POU2AF1: variants seen among roughly 807,000 people sequenced by gnomAD.
The protein encoded by POU2AF1 is POU domain class 2-associating factor 1.
In POU2AF1, 12 loss-of-function variants were observed where a neutral mutation model predicts 26.3. That is an observed-to-expected ratio of 0.46 (90% CI 0.29 to 0.74). The LOEUF is 0.74. Among genes scored for constraint, POU2AF1 ranks in the 30% least tolerant of loss-of-function variants. The pLI is 0.09. For missense variants in POU2AF1, 297 were observed against 334.5 expected, an observed-to-expected ratio of 0.89 and a Z score of 0.87; for synonymous variants, 175 against 148.0, an observed-to-expected ratio of 1.18 and a Z score of -1.32.
chr11:111,374,670 G>T (rs1032288303), intron 1 of POU2AF1, among the ~76,000 whole-genome samples: 1 of 152,174 alleles, frequency 6.6e-6, no homozygotes, highest in African/African-American at 2.4e-5. Flanking sequence ...ATTGCAGCCT[G>T]GGTGACAGAG....
intron 1 of POU2AF1, among the ~76,000 whole-genome samples, chr11:111,361,052 A>G (rs1238833780): frequency 6.6e-6 from 1 of 152,152 alleles, no homozygotes; most frequent in East Asian, 1.9e-4. Flanking sequence ...ACATCCCAAT[A>G]GGAGATTCAT....
chr11:111,364,722 T>G (rs1861072333), intron 1 of POU2AF1, among the ~76,000 whole-genome samples: 1 of 152,216 alleles, frequency 6.6e-6, no homozygotes, highest in Non-Finnish European at 1.5e-5. Flanking sequence ...GGCTGCAGGA[T>G]AAGCATGCAT....
chr11:111,364,390 A>T (rs906292582), intron 1 of POU2AF1: 2 of 152,236 alleles, frequency 1.3e-5, no homozygotes, highest in African/African-American at 4.8e-5. Context: ...AACATGCAAA[A>T]TTGTCAGCAC....
Position 111,354,030 on chromosome 11 carries a change from G to A in POU2AF1, c.*231C>T, listed in dbSNP as rs1860790168. On this transcript the variant is annotated 3_prime_UTR_variant, in exon 5 of 5. Transcript: ENST00000393067. ...AGGGAGGAAAAGGAAGGAAGGGGTT[G>A]GAAAGGAAGAAGGGAGGGAGGGGAA... 2.2e-6 allele frequency: 1 copy of A among 458,164 alleles called. No homozygotes were observed. The highest frequency in any genetic ancestry group is 3.7e-6 in the Non-Finnish European group (1 of 267,284). 28.4% of individuals were successfully genotyped at this position (458,164 alleles called of 1,614,324 possible). A position where few individuals can be genotyped will look rare whatever the true frequency, so the allele number is the denominator to read the frequency against.
chr11:111,373,716 T>G (rs1341740581), intron 1 of POU2AF1, among the ~76,000 whole-genome samples: 1 of 149,344 alleles, frequency 6.7e-6, no homozygotes, highest in East Asian at 2.0e-4. Flanking sequence ...TCTAATTATC[T>G]GTAGAATGGA....
At chr11:111,363,560 G>A (rs1050050616) in intron 1 of POU2AF1, 10 of 821,860 alleles carry the variant, frequency 1.2e-5, no homozygotes, top group African/African-American at 1.9e-5. Flanking sequence ...CTAAAATCAC[G>A]GTTGCCTCAC....
intron 2 of POU2AF1, among the ~76,000 whole-genome samples, chr11:111,358,341 C>T (rs1860899654): frequency 2.6e-5 from 2 of 78,278 alleles, no homozygotes; most frequent in Non-Finnish European, 6.7e-5. Context: ...CACACTCTCA[C>T]ACTCTCACAC....
chr11:111,357,856 G>C lies in POU2AF1; in HGVS notation c.148-19C>G. On this transcript the variant is annotated intron_variant, in intron 2 of 4. Coordinates refer to ENST00000393067, the MANE Select transcript of POU2AF1 (RefSeq NM_006235.3). ...GCACCACCTAGAGGGGAGAGGAGAAGACCAGGGTCAATGTTTAGCCCTCGT... is the reference window on the plus strand; with the variant it reads ...GCACCACCTAGAGGGGAGAGGAGAACACCAGGGTCAATGTTTAGCCCTCGT... 1 of 1,597,998 alleles carries C rather than the reference G, an allele frequency of 6.3e-7. No homozygotes were observed. The highest frequency in any genetic ancestry group is 1.1e-5 in the South Asian group (1 of 88,732).
At chr11:111,360,107 G>A (rs1471171387) in intron 1 of POU2AF1, 2 of 509,396 alleles carry the variant, frequency 3.9e-6, no homozygotes, top group African/African-American at 1.9e-5. Context: ...TTCCTGGCCT[G>A]GGAGAGCAAC....
At chr11:111,368,277 G>A (rs1241203161) in intron 1 of POU2AF1, among the ~76,000 whole-genome samples, 1 of 152,160 alleles carries the variant, frequency 6.6e-6, no homozygotes, top group East Asian at 1.9e-4. Context: ...GAGTGCAAGA[G>A]ATATGACTGT....
chr11:111,361,760 T>A (rs1264904844), intron 1 of POU2AF1, among the ~76,000 whole-genome samples: 5 of 152,212 alleles, frequency 3.3e-5, no homozygotes, highest in Non-Finnish European at 7.3e-5. Context: ...AAAGTGAAGA[T>A]CATAATGGTA....
intron 1 of POU2AF1, among the ~76,000 whole-genome samples, chr11:111,372,069 C>CACACACAGAG (rs1555076835): frequency 6.9e-6 from 1 of 144,262 alleles, no homozygotes; most frequent in African/African-American, 2.7e-5. Flanking sequence ...CACACACACA[C>CACACACAGAG]AGAGAGAGAG....
intron 1 of POU2AF1, among the ~76,000 whole-genome samples, chr11:111,365,295 G>C (rs76346173): frequency 0.01 from 1,578 of 152,238 alleles, 29 homozygotes; most frequent in African/African-American, 0.036. Flanking sequence ...CTTTATGAAG[G>C]ACATTGGAGA....
At chr11:111,359,813 C>T (rs941745128) in intron 1 of POU2AF1, among the ~76,000 whole-genome samples, 2 of 152,184 alleles carry the variant, frequency 1.3e-5, no homozygotes, top group South Asian at 2.1e-4. Flanking sequence ...CATGCCCATG[C>T]GTTTTAAGCT....
chr11:111,379,047 C>CT (rs1448414585), intron 1 of POU2AF1, 115 bp downstream of exon 1: 1 of 1,267,258 alleles, frequency 7.9e-7, no homozygotes, highest in African/African-American at 1.5e-5. Flanking sequence ...CCCAGACCCC[C>CT]TCCCCCCGTG....
At position 111,358,426 on chromosome 11, in the gene POU2AF1, A is replaced by ACACC. The variant is rs1565360814; in HGVS notation, c.147+361_147+362insGGTG. Among the ~76,000 whole-genome samples, 209 of 98,604 alleles carry ACACC rather than the reference A, an allele frequency of 2.1e-3. 4 individuals carry two copies. The highest frequency in any genetic ancestry group is 6.8e-3 in the African/African-American group (188 of 27,606). The allele number at this position is 98,604 out of a possible 152,430, so 64.7% of individuals were successfully genotyped here. On this transcript the variant is annotated intron_variant, in intron 2 of 4. Transcript: ENST00000393067. ...CATACTCTCTCACACACACGCTCACACTCTCACACTCACTCTCACACACAC... is the reference window on the plus strand; with the variant it reads ...CATACTCTCTCACACACACGCTCACACACCCTCTCACACTCACTCTCACACACAC...
intron 1 of POU2AF1, among the ~76,000 whole-genome samples, chr11:111,373,234 G>A (rs1415598856): frequency 1.3e-5 from 2 of 152,204 alleles, no homozygotes; most frequent in African/African-American, 4.8e-5. Context: ...CCCCAGAGAT[G>A]TTTGTTTATC....
At chr11:111,356,919 G>T (rs1860856972) in intron 4 of POU2AF1, among the ~76,000 whole-genome samples, 1 of 152,198 alleles carries the variant, frequency 6.6e-6, no homozygotes, top group Non-Finnish European at 1.5e-5. Flanking sequence ...ACAGGGATTT[G>T]AACAAGGCAA....
intron 1 of POU2AF1, chr11:111,359,981 G>T (rs1182815373): frequency 1.9e-6 from 1 of 518,894 alleles, no homozygotes. Context: ...GGTGATCCTT[G>T]TACCCTGGGG....
Sources: gnomAD v4.1 joint callset for allele counts (sites outside exome capture counted in the v4.1 genomes callset) on GRCh38, gnomAD v4.1.1 for gene constraint, MANE v1.5 for transcripts, NCBI Gene and HGNC (gene_info 2026-07-23, HGNC 2026-07-21) for gene names.